Variants in SLC30A9 observed in about 807,000 individuals in gnomAD.
SLC30A9 encodes the protein proton-coupled zinc antiporter SLC30A9, mitochondrial.
Under a neutral mutation model 87.5 loss-of-function variants are expected in SLC30A9, and 58 were observed. That is an observed-to-expected ratio of 0.66 (90% CI 0.54 to 0.82). The LOEUF is 0.82. Among genes scored for constraint, SLC30A9 ranks in the 40% least tolerant of loss-of-function variants. The pLI is 0.00. For missense variants in SLC30A9, 557 were observed against 679.1 expected, an observed-to-expected ratio of 0.82 and a Z score of 2.00; for synonymous variants, 234 against 233.0, an observed-to-expected ratio of 1.00 and a Z score of -0.04.
chr4:42,010,227 A>G (rs944288686), intron 2 of SLC30A9, among the ~76,000 whole-genome samples: 2 of 152,148 alleles, frequency 1.3e-5, no homozygotes, highest in African/African-American at 4.8e-5. Context: ...GTAATCTAGC[A>G]CTTTGGGAGG....
chr4:42,030,749 A>G (rs1350807666), intron 6 of SLC30A9, among the ~76,000 whole-genome samples: 3 of 152,100 alleles, frequency 2.0e-5, no homozygotes, highest in African/African-American at 7.2e-5. Flanking sequence ...TTAAATTTTA[A>G]GTGACACTAC....
chr4:42,017,699 G>C (rs1374649882), intron 2 of SLC30A9, among the ~76,000 whole-genome samples: 1 of 151,810 alleles, frequency 6.6e-6, no homozygotes, highest in Non-Finnish European at 1.5e-5. Flanking sequence ...TGGTATCTCT[G>C]GTACAGTTTT....
intron 10 of SLC30A9, among the ~76,000 whole-genome samples, chr4:42,061,793 G>A (rs1479841421): frequency 2.0e-5 from 3 of 152,060 alleles, no homozygotes; most frequent in South Asian, 4.1e-4. Context: ...CCAGCTACTC[G>A]GGAAGCTGAG....
intron 9 of SLC30A9, among the ~76,000 whole-genome samples, chr4:42,059,969 T>C (rs1717777691): frequency 1.3e-5 from 2 of 152,204 alleles, no homozygotes; most frequent in Non-Finnish European, 2.9e-5. Flanking sequence ...TTTAGGTTGC[T>C]TTCATGTTTC....
Position 42,075,763 on chromosome 4 carries a change from C to A in SLC30A9, c.1525C>A (p.Gln509Lys). ...RVVTRSYLEK[Q>K]DFDQMLQEIQ... ...TGTTACAAGATCATATTTGGAAAAA[C>A]AAGATTTTGACCAAATGTTACAAGT... is the stretch of plus-strand genomic sequence containing the variant. The change falls in exon 16 of 18, where the codon CAA (glutamine) becomes AAA (lysine). Residue 509 changes from glutamine (Q) to lysine (K), a missense_variant. This residue lies in a region of SLC30A9 where 90 missense variants were observed against 149.4 expected (regional missense o/e 0.60). Coordinates refer to ENST00000264451, the MANE Select transcript of SLC30A9 (RefSeq NM_006345.4). 1 of 1,610,698 alleles carries A rather than the reference C, an allele frequency of 6.2e-7. No homozygotes were observed. Among genetic ancestry groups the A allele is most frequent in the Non-Finnish European group, 8.5e-7 (1 of 1,177,550 alleles).
intron 2 of SLC30A9, among the ~76,000 whole-genome samples, chr4:42,016,786 T>TATAA (rs1435321772): frequency 4.3e-5 from 5 of 116,420 alleles, no homozygotes; most frequent in Non-Finnish European, 8.9e-5. Context: ...GTTGTGTGAA[T>TATAA]ATAACATGGT....
At chr4:42,022,805 G>A in intron 4 of SLC30A9, 33 bp from the exon 5 acceptor site, 2 of 1,319,774 alleles carry the variant, frequency 1.5e-6, no homozygotes, top group Non-Finnish European at 2.1e-6. Flanking sequence ...TATGCACTTT[G>A]TCTGAATAAA....
chr4:42,040,770 T>A (rs1271634651), intron 8 of SLC30A9, among the ~76,000 whole-genome samples: 3 of 130,884 alleles, frequency 2.3e-5, no homozygotes, highest in Non-Finnish European at 4.7e-5. Flanking sequence ...CACTCCAGTC[T>A]GGGCGACAGA....
At position 42,018,153 on chromosome 4, in the gene SLC30A9, A is replaced by C. The variant is rs1715799425; in HGVS notation, c.317A>C (p.Glu106Ala). ...GAACTCAAAGCTCCACTTAAGCAAG[A>C]ACCTCTCCAAGTAAGAGGTAAATAT... ...GTELKAPLKQ[E>A]PLQVRVKAVL... The change falls in exon 3 of 18, where the codon GAA becomes GCA. Residue 106 changes from glutamate (E) to alanine (A), a missense_variant. Glu to Ala is a moderately radical substitution (Grantham distance 107). This residue lies in a region of SLC30A9 where 467 missense variants were observed against 529.8 expected (regional missense o/e 0.88). Transcript: ENST00000264451. 2 of 1,561,090 alleles carry C rather than the reference A, an allele frequency of 1.3e-6. No individual in the cohort carries two copies. Among genetic ancestry groups the C allele is most frequent in the Non-Finnish European group, 1.8e-6 (2 of 1,135,116 alleles).
At chr4:42,021,928 T>C (rs1715968495) in intron 4 of SLC30A9, among the ~76,000 whole-genome samples, 1 of 44,346 alleles carries the variant, frequency 2.3e-5, no homozygotes, top group African/African-American at 4.1e-5. Context: ...TTTTTTTTTT[T>C]TTTTTTTTTT....
Position 42,090,217 on chromosome 4 carries a change from C to T in SLC30A9, c.*4091C>T, listed in dbSNP as rs1577731598. ...AAATGTTGATTCAAAGATTGTCTCC[C>T]CTAAATCCTTCATTTCTTTCTCTGA... On this transcript the variant is annotated 3_prime_UTR_variant, in exon 18 of 18. Coordinates refer to ENST00000264451, the MANE Select transcript of SLC30A9 (RefSeq NM_006345.4). 1 of 152,206 alleles carries T rather than the reference C, an allele frequency of 6.6e-6. No individual in the cohort carries two copies. The highest frequency in any genetic ancestry group is 1.5e-5 in the Non-Finnish European group (1 of 68,034). The allele number at this position is 152,206 out of a possible 1,614,324, so 9.4% of individuals were successfully genotyped here. A position where few individuals can be genotyped will look rare whatever the true frequency, so the allele number is the denominator to read the frequency against.
intron 17 of SLC30A9, among the ~76,000 whole-genome samples, chr4:42,082,076 G>T (rs1718758344): frequency 6.6e-6 from 1 of 152,048 alleles, no homozygotes; most frequent in African/African-American, 2.4e-5. Flanking sequence ...TATTAGCCGG[G>T]CGTGGTGGCA....
chr4:41,994,890 G>A (rs949161842), intron 1 of SLC30A9, among the ~76,000 whole-genome samples: 3 of 151,374 alleles, frequency 2.0e-5, no homozygotes, highest in African/African-American at 7.3e-5. Flanking sequence ...AAAGAGGTTG[G>A]GGAGGAGGAG....
chr4:42,032,228 A>G (rs1209296178), intron 6 of SLC30A9, among the ~76,000 whole-genome samples: 1 of 149,230 alleles, frequency 6.7e-6, no homozygotes, highest in African/African-American at 2.5e-5. Flanking sequence ...ACCAGGCCCC[A>G]CCTCCAACAA....
At chr4:42,013,828 G>C (rs1159862283) in intron 2 of SLC30A9, among the ~76,000 whole-genome samples, 1 of 152,178 alleles carries the variant, frequency 6.6e-6, no homozygotes. Flanking sequence ...CAGGATATTG[G>C]ACTGGGCAGA....
chr4:42,023,198 C>T lies in SLC30A9; in HGVS notation c.528-104C>T, dbSNP rs1003386562. On this transcript the variant is annotated intron_variant, in intron 5 of 17. Transcript: ENST00000264451. ...GTCCTTTATGTTTCTCCAAAAGCAC[C>T]TTACACTTTGTTGTAAGATTCTCAT... 5.9e-6 allele frequency: 5 copies of T among 846,582 alleles called. No individual in the cohort carries two copies. The Admixed American group carries it at 1.0e-4, about 18-fold the overall frequency. 52.4% of individuals were successfully genotyped at this position (846,582 alleles called of 1,614,324 possible). A position where few individuals can be genotyped will look rare whatever the true frequency, so the allele number is the denominator to read the frequency against.
At chr4:42,022,451 C>T (rs947135893) in intron 4 of SLC30A9, among the ~76,000 whole-genome samples, 10 of 151,614 alleles carry the variant, frequency 6.6e-5, no homozygotes, top group Admixed American at 2.0e-4. Context: ...AGGCTGGTCT[C>T]GAACTCCTGA....
intron 14 of SLC30A9, among the ~76,000 whole-genome samples, chr4:42,067,563 A>G (rs1718131453): frequency 6.6e-6 from 1 of 152,240 alleles, no homozygotes; most frequent in South Asian, 2.1e-4. Flanking sequence ...GAGTTTTAAT[A>G]AACTCTAAAG....
intron 7 of SLC30A9, among the ~76,000 whole-genome samples, chr4:42,037,960 C>A (rs569186844): frequency 6.6e-6 from 1 of 151,886 alleles, no homozygotes; most frequent in Non-Finnish European, 1.5e-5. Context: ...TTAGTAGAGA[C>A]GGGGTTTTAC....
Sources: gnomAD v4.1 joint callset for allele counts (sites outside exome capture counted in the v4.1 genomes callset) on GRCh38, gnomAD v4.1.1 for gene constraint, gnomAD v4.1.1 regional missense constraint, MANE v1.5 for transcripts, NCBI Gene and HGNC (gene_info 2026-07-23, HGNC 2026-07-21) for gene names.